The following INPP4B variants were observed in gnomAD, a reference collection of about 807,000 sequenced individuals.
The protein encoded by INPP4B is inositol polyphosphate 4-phosphatase type II.
A neutral mutation model predicts 122.5 loss-of-function variants in INPP4B; 55 were observed. The observed-to-expected ratio is 0.45, with a 90% CI of 0.36 to 0.56. The LOEUF (loss-of-function observed/expected upper bound fraction) is 0.56, where lower values mean the gene tolerates loss of function less well. Among genes scored for constraint, INPP4B ranks in the 20% least tolerant of loss-of-function variants. INPP4B has a pLI of 0.00. For synonymous variants in INPP4B, 403 were observed against 388.7 expected (o/e 1.04, Z -0.43); for missense variants, 1,000 against 1,097.7 (o/e 0.91, Z 1.26).
At chr4:142,700,781 T>G (rs1438829954) in intron 2 of INPP4B, among the ~76,000 whole-genome samples, 2 of 152,168 alleles carry the variant, frequency 1.3e-5, no homozygotes, top group African/African-American at 4.8e-5. Flanking sequence ...GTTTTGTGTT[T>G]GTGCATCAGT....
intron 25 of INPP4B, among the ~76,000 whole-genome samples, chr4:142,050,933 A>G (rs1188191105): frequency 6.6e-6 from 1 of 152,026 alleles, no homozygotes; most frequent in Non-Finnish European, 1.5e-5. Context: ...ATTTAATTAC[A>G]TACAGATAAT....
chr4:142,512,717 G>C (rs1824898891), intron 2 of INPP4B, among the ~76,000 whole-genome samples: 1 of 152,086 alleles, frequency 6.6e-6, no homozygotes, highest in African/African-American at 2.4e-5. Context: ...AACTACCTAA[G>C]CAGAGCCTCT....
chr4:142,054,687 C>T (rs576591056), intron 25 of INPP4B, among the ~76,000 whole-genome samples: 1 of 151,968 alleles, frequency 6.6e-6, no homozygotes, highest in South Asian at 2.1e-4. Flanking sequence ...ATTGCTAAGA[C>T]CAGTGCTATG....
At position 142,824,314 on chromosome 4, in the gene INPP4B, A is replaced by ATCTATCTATCTCTATC. The variant is rs70949192; in HGVS notation, c.-254+21894_-254+21895insGATAGAGATAGATAGA. 2.3e-3 allele frequency among the ~76,000 whole-genome samples: 347 copies of ATCTATCTATCTCTATC among 150,728 alleles called. 2 individuals carry two copies. The highest frequency in any genetic ancestry group is 8.2e-3 in the African/African-American group (331 of 40,388). ...CTATCTATTATCTATCTGTCTATCTATCTATCTCTATCTCTATCTCTATCT... is the reference window on the plus strand; with the variant it reads ...CTATCTATTATCTATCTGTCTATCTATCTATCTATCTCTATCTCTATCTCTATCTCTATCTCTATCT... On this transcript the variant is annotated intron_variant, in intron 1 of 25. Transcript: ENST00000262992.
At chr4:142,804,743 C>T (rs556638714) in intron 1 of INPP4B, among the ~76,000 whole-genome samples, 8 of 152,264 alleles carry the variant, frequency 5.3e-5, no homozygotes, top group African/African-American at 1.4e-4. Context: ...CATGGCTCAC[C>T]GCAGCCTTGA....
chr4:142,432,275 T>C (rs992648623), intron 3 of INPP4B, among the ~76,000 whole-genome samples: 1 of 152,054 alleles, frequency 6.6e-6, no homozygotes, highest in African/African-American at 2.4e-5. Context: ...GTAATCAAGT[T>C]TGGTTTATAA....
intron 25 of INPP4B, among the ~76,000 whole-genome samples, chr4:142,075,044 TC>T (rs1173703989): frequency 6.6e-6 from 1 of 152,024 alleles, no homozygotes; most frequent in Non-Finnish European, 1.5e-5. Context: ...TTGATTCTGT[TC>T]TTGTGGGAAT....
At chr4:142,062,622 G>C (rs1241255363) in intron 25 of INPP4B, among the ~76,000 whole-genome samples, 1 of 152,062 alleles carries the variant, frequency 6.6e-6, no homozygotes, top group East Asian at 1.9e-4. Flanking sequence ...TGTAGTCCCA[G>C]CTACTTGGGG....
intron 23 of INPP4B, among the ~76,000 whole-genome samples, chr4:142,104,729 G>C (rs1275686564): frequency 2.0e-5 from 3 of 152,022 alleles, no homozygotes; most frequent in African/African-American, 7.2e-5. Flanking sequence ...CAAAATCACA[G>C]ATGCTCAATT....
intron 18 of INPP4B, among the ~76,000 whole-genome samples, chr4:142,140,152 T>C (rs1579050890): frequency 6.6e-6 from 1 of 152,188 alleles, no homozygotes; most frequent in Admixed American, 6.5e-5. Context: ...AGCAATGATA[T>C]GTGGACTAAT....
intron 7 of INPP4B, among the ~76,000 whole-genome samples, chr4:142,378,181 A>G (rs890102360): frequency 5.9e-5 from 9 of 152,150 alleles, no homozygotes; most frequent in African/African-American, 2.2e-4. Context: ...AAAAAAGATA[A>G]CTTGTCCAAA....
chr4:142,330,530 C>T (rs1261790824), intron 7 of INPP4B, among the ~76,000 whole-genome samples: 1 of 152,130 alleles, frequency 6.6e-6, no homozygotes. Context: ...CGCATATGTG[C>T]ACACACGCAC....
At chr4:142,688,597 A>G (rs916139040) in intron 2 of INPP4B, among the ~76,000 whole-genome samples, 3 of 152,188 alleles carry the variant, frequency 2.0e-5, no homozygotes, top group South Asian at 2.1e-4. Flanking sequence ...CTTGCTTCTA[A>G]CCTCCAAGTT....
At chr4:142,450,351 C>A (rs892172173) in intron 3 of INPP4B, among the ~76,000 whole-genome samples, 1 of 152,184 alleles carries the variant, frequency 6.6e-6, no homozygotes, top group African/African-American at 2.4e-5. Flanking sequence ...CAGAATTTAA[C>A]AATTCACTAA....
At chr4:142,383,843 T>A (rs12511267) in intron 7 of INPP4B, 153,314 of 462,754 alleles carry the variant, frequency 0.33, 28,427 homozygotes, top group South Asian at 0.43. Context: ...TTATTTATGA[T>A]GTTTTGTGCT....
At chr4:142,126,701 T>G (rs910803400) in intron 18 of INPP4B, among the ~76,000 whole-genome samples, 1 of 152,074 alleles carries the variant, frequency 6.6e-6, no homozygotes, top group Non-Finnish European at 1.5e-5. Flanking sequence ...TGAACAATGG[T>G]TCAATTTAAA....
At chr4:142,092,739 A>C (rs1780146914) in intron 23 of INPP4B, among the ~76,000 whole-genome samples, 1 of 152,214 alleles carries the variant, frequency 6.6e-6, no homozygotes. Context: ...TGCAATCAAA[A>C]GCATTCTAAG....
chr4:142,111,690 C>T (rs1216614981), intron 22 of INPP4B, among the ~76,000 whole-genome samples: 1 of 151,806 alleles, frequency 6.6e-6, no homozygotes, highest in Admixed American at 6.6e-5. Flanking sequence ...TCTGTAATCT[C>T]TATATGTGAG....
chr4:142,310,083 A>G (rs1446303470), intron 8 of INPP4B, among the ~76,000 whole-genome samples: 2 of 151,732 alleles, frequency 1.3e-5, no homozygotes, highest in African/African-American at 2.4e-5. Context: ...CCAAACCTCC[A>G]TCATTCATAT....
Sources: gnomAD v4.1 joint callset for allele counts (sites outside exome capture counted in the v4.1 genomes callset) on GRCh38, gnomAD v4.1.1 for gene constraint, MANE v1.5 for transcripts, NCBI Gene and HGNC (gene_info 2026-07-23, HGNC 2026-07-21) for gene names.